EEFSEC: variants seen among roughly 807,000 people sequenced by gnomAD.
EEFSEC encodes eukaryotic elongation factor, selenocysteine-tRNA specific.
In EEFSEC, 43 loss-of-function variants were observed where a neutral mutation model predicts 42.1. The ratio of observed to expected loss-of-function variants is 1.02; its 90% CI spans 0.80 to 1.32. The LOEUF (loss-of-function observed/expected upper bound fraction) is 1.32, where lower values mean the gene tolerates loss of function less well. Ranked by LOEUF, EEFSEC falls within the 40% of genes most tolerant of loss-of-function variation. The pLI is 0.00. For missense variants in EEFSEC, 745 were observed against 803.6 expected, an observed-to-expected ratio of 0.93 and a Z score of 0.88; for synonymous variants, 354 against 339.1, an observed-to-expected ratio of 1.04 and a Z score of -0.48.
rs545127408 is a variant in EEFSEC, at chr3:128,159,795, C to T, written c.316+5972C>T. Among the ~76,000 whole-genome samples the T allele has an allele frequency of 2.6e-5, 4 of 152,338 alleles. No individual in the cohort carries two copies. In the East Asian group the frequency reaches 7.7e-4, roughly 29 times the overall value. On this transcript the variant is annotated intron_variant, in intron 1 of 6. Coordinates refer to ENST00000254730, the MANE Select transcript of EEFSEC (RefSeq NM_021937.5). The stretch of plus-strand genomic sequence containing the variant: ...TTTAATGGCACCTCCTCAGCAGCCT[C>T]TCCTGCCCCACCTATCTAAAGTTGT...
At chr3:128,226,027 G>A (rs1444205320) in intron 1 of EEFSEC, among the ~76,000 whole-genome samples, 3 of 152,224 alleles carry the variant, frequency 2.0e-5, no homozygotes, top group Non-Finnish European at 4.4e-5. Context: ...AGGATATGCC[G>A]GAGAACAGAG....
At chr3:128,235,453 G>A (rs1175240846) in intron 1 of EEFSEC, among the ~76,000 whole-genome samples, 1 of 139,646 alleles carries the variant, frequency 7.2e-6, no homozygotes, top group African/African-American at 2.6e-5. Context: ...GTACAAAAAG[G>A]TACACAGTAA....
chr3:128,189,223 C>T (rs180870000), intron 1 of EEFSEC, among the ~76,000 whole-genome samples: 34 of 152,336 alleles, frequency 2.2e-4, no homozygotes, highest in Non-Finnish European at 4.9e-4. Flanking sequence ...GCTCATCTCC[C>T]TCCTTGACAA....
intron 4 of EEFSEC, among the ~76,000 whole-genome samples, chr3:128,326,793 A>G (rs1414012685): frequency 6.6e-6 from 1 of 152,208 alleles, no homozygotes; most frequent in Non-Finnish European, 1.5e-5. Flanking sequence ...CAATCAATTC[A>G]TGAATTTCCT....
chr3:128,292,317 A>G (rs2066652458), intron 4 of EEFSEC, among the ~76,000 whole-genome samples: 1 of 151,994 alleles, frequency 6.6e-6, no homozygotes, highest in African/African-American at 2.4e-5. Flanking sequence ...TAATATCAAC[A>G]TTATTCTGGC....
Position 128,163,860 on chromosome 3 carries a change from C to T in EEFSEC, c.316+10037C>T, listed in dbSNP as rs142795771. 6.2e-3 allele frequency among the ~76,000 whole-genome samples: 936 copies of T among 151,702 alleles called. 8 individuals are homozygous for T. Among genetic ancestry groups the T allele is most frequent in the African/African-American group, 0.021 (876 of 41,242 alleles). ...ATGTTGCCCAGGCTGGTCTTGAACTCCTGAAGTTAAGCAGTCCTCTTGCCT... is the reference window on the plus strand; with the variant it reads ...ATGTTGCCCAGGCTGGTCTTGAACTTCTGAAGTTAAGCAGTCCTCTTGCCT... On this transcript the variant is annotated intron_variant, in intron 1 of 6. Coordinates refer to ENST00000254730, the MANE Select transcript of EEFSEC (RefSeq NM_021937.5).
chr3:128,345,551 A>G (rs1205375881), intron 5 of EEFSEC, among the ~76,000 whole-genome samples: 1 of 152,222 alleles, frequency 6.6e-6, no homozygotes, highest in Non-Finnish European at 1.5e-5. Context: ...CTATTCAAAG[A>G]AGTTTCTGGA....
At chr3:128,376,476 G>A (rs2067711870) in intron 6 of EEFSEC, among the ~76,000 whole-genome samples, 1 of 152,142 alleles carries the variant, frequency 6.6e-6, no homozygotes, top group South Asian at 2.1e-4. Context: ...CCCCAGAGGT[G>A]AGCTTCTCTA....
chr3:128,208,369 CTG>C (rs886637296), intron 1 of EEFSEC, among the ~76,000 whole-genome samples: 4 of 152,294 alleles, frequency 2.6e-5, no homozygotes, highest in Middle Eastern at 3.4e-3. Flanking sequence ...TGGATGATGA[CTG>C]TAAGTTAGGC....
chr3:128,157,493 C>A (rs1944402088), intron 1 of EEFSEC, among the ~76,000 whole-genome samples: 1 of 152,208 alleles, frequency 6.6e-6, no homozygotes, highest in Non-Finnish European at 1.5e-5. Context: ...TACAAAGCTT[C>A]AAAGGACAGG....
intron 4 of EEFSEC, among the ~76,000 whole-genome samples, chr3:128,322,129 A>C (rs2067014137): frequency 6.6e-6 from 1 of 152,178 alleles, no homozygotes; most frequent in Non-Finnish European, 1.5e-5. Context: ...TGAATTGAGA[A>C]TCCCCAGTGC....
chr3:128,357,888 C>T (rs1249679473), intron 5 of EEFSEC, among the ~76,000 whole-genome samples: 2 of 151,924 alleles, frequency 1.3e-5, no homozygotes, highest in African/African-American at 4.8e-5. Context: ...TGACAGAACT[C>T]TGCCGTGCCT....
chr3:128,170,450 T>G (rs1233550746), intron 1 of EEFSEC, among the ~76,000 whole-genome samples: 3 of 151,692 alleles, frequency 2.0e-5, no homozygotes, highest in Non-Finnish European at 4.4e-5. Flanking sequence ...CTTGAGAGGC[T>G]GAGGCATGAG....
chr3:128,155,340 C>T (rs562168292), intron 1 of EEFSEC, among the ~76,000 whole-genome samples: 59 of 152,104 alleles, frequency 3.9e-4, no homozygotes, highest in South Asian at 3.1e-3. Flanking sequence ...GTCTTGATCT[C>T]GACCTCGTGA....
chr3:128,401,394 C>G (rs967667172), intron 6 of EEFSEC, among the ~76,000 whole-genome samples: 7 of 152,222 alleles, frequency 4.6e-5, no homozygotes, highest in African/African-American at 1.7e-4. Context: ...GCACACAATC[C>G]TGGAGAGGTG....
chr3:128,249,226 G>A (rs1428234334), intron 2 of EEFSEC, among the ~76,000 whole-genome samples: 2 of 152,180 alleles, frequency 1.3e-5, no homozygotes, highest in Non-Finnish European at 2.9e-5. Context: ...AACATTAAAT[G>A]TATTTTTTTC....
At chr3:128,418,940 C>T in the EEFSEC span, among the ~76,000 whole-genome samples, 1 of 152,244 alleles carries the variant, frequency 6.6e-6, no homozygotes, top group African/African-American at 2.4e-5. Context: ...GGGGACATCA[C>T]ATGTCCCTCC....
chr3:128,305,648 G>A (rs1372676208), intron 4 of EEFSEC, among the ~76,000 whole-genome samples: 2 of 151,816 alleles, frequency 1.3e-5, no homozygotes, highest in African/African-American at 2.4e-5. Flanking sequence ...ATCTAGTTTT[G>A]CAAAGTAAAC....
chr3:128,313,062 C>T (rs1016009821), intron 4 of EEFSEC, among the ~76,000 whole-genome samples: 2 of 152,280 alleles, frequency 1.3e-5, no homozygotes, highest in South Asian at 4.1e-4. Context: ...AAGTTATTTC[C>T]ATGCCATAGC....
Sources: gnomAD v4.1 joint callset for allele counts (sites outside exome capture counted in the v4.1 genomes callset) on GRCh38, gnomAD v4.1.1 for gene constraint, MANE v1.5 for transcripts, NCBI Gene and HGNC (gene_info 2026-07-23, HGNC 2026-07-21) for gene names.